Variants in ZNF532 observed in about 807,000 individuals in gnomAD.
ZNF532 encodes the protein zinc finger protein 532.
A neutral mutation model predicts 89.3 loss-of-function variants in ZNF532; 22 were observed. The observed-to-expected ratio is 0.25, with a 90% CI of 0.18 to 0.35. The LOEUF is 0.35. ZNF532 is among the 10% of genes least tolerant of loss of function. The pLI, the probability that ZNF532 is intolerant of heterozygous loss-of-function variation, is 1.00. For synonymous variants in ZNF532, 606 were observed against 649.6 expected (o/e 0.93, Z 1.02); for missense variants, 1,132 against 1,643.4 (o/e 0.69, Z 5.38).
At chr18:58,920,705 G>A (rs144350846) in intron 3 of ZNF532, 72 bp downstream of exon 3, 1 of 1,319,366 alleles carries the variant, frequency 7.6e-7, no homozygotes, top group Non-Finnish European at 1.0e-6. Flanking sequence ...AGATGCCCTT[G>A]ATTTTAGGGT....
In ZNF532 at chr18:58,897,999, A is replaced by G. The variant is rs549534979; in HGVS notation, c.-17-20272A>G. ...AATAAATAAATGAATAAAGATTATT[A>G]CTTAACTCCTTTCAACAATTTAAAA... On this transcript the variant is annotated intron_variant, in intron 2 of 9. Coordinates refer to ENST00000591808, the MANE Select transcript of ZNF532 (RefSeq NM_001375912.1). Among the ~76,000 whole-genome samples, 12 of 152,352 alleles carry G rather than the reference A, an allele frequency of 7.9e-5. No individual in the cohort carries two copies. The East Asian group carries it at 9.6e-4, about 12-fold the overall frequency.
At chr18:58,977,491 ATTTGCCTGCCGG>A (rs2067193742) in intron 7 of ZNF532, 1 of 152,110 alleles carries the variant, frequency 6.6e-6, no homozygotes, top group Non-Finnish European at 1.5e-5. Context: ...AGCCACTCCG[ATTTGCCTGCCGG>A]TTTGAACAAG....
chr18:58,884,010 C>T (rs184011846), intron 2 of ZNF532, among the ~76,000 whole-genome samples: 1 of 150,066 alleles, frequency 6.7e-6, no homozygotes, highest in East Asian at 2.0e-4. Context: ...TACTAGTTTT[C>T]TCTTCCATGT....
chr18:58,910,029 C>T (rs1218944742), intron 2 of ZNF532, among the ~76,000 whole-genome samples: 3 of 151,824 alleles, frequency 2.0e-5, no homozygotes, highest in Admixed American at 1.3e-4. Flanking sequence ...TCACTGGAGC[C>T]CAGGAGTAAC....
chr18:58,893,661 A>AC (rs1313569559), intron 2 of ZNF532, among the ~76,000 whole-genome samples: 31 of 151,860 alleles, frequency 2.0e-4, no homozygotes, highest in Non-Finnish European at 7.4e-5. Flanking sequence ...TGTCTCAAAA[A>AC]AAAAAAAAAA....
chr18:58,879,211 T>C (rs548664680), intron 2 of ZNF532, among the ~76,000 whole-genome samples: 1 of 152,306 alleles, frequency 6.6e-6, no homozygotes, highest in East Asian at 1.9e-4. Flanking sequence ...GTCTCTTGTG[T>C]CTGGCCAAGG....
At chr18:58,958,723 A>G (rs2065037968) in intron 7 of ZNF532, among the ~76,000 whole-genome samples, 1 of 152,206 alleles carries the variant, frequency 6.6e-6, no homozygotes. Flanking sequence ...TCAGGTACCT[A>G]ACTAGCTTTC....
In ZNF532 at chr18:58,872,526, A is replaced by G. The variant is rs188277983; in HGVS notation, c.-18+6947A>G. On this transcript the variant is annotated intron_variant, in intron 2 of 9. Coordinates refer to ENST00000591808, the MANE Select transcript of ZNF532 (RefSeq NM_001375912.1). Reference sequence around the variant, plus strand: ...AAAGCCCTCTGTTTTAAAGGACCCCATAGCTGGAAGTACTTCACACATTTG... The same window carrying G: ...AAAGCCCTCTGTTTTAAAGGACCCCGTAGCTGGAAGTACTTCACACATTTG... Among the ~76,000 whole-genome samples, 6 of 152,330 alleles carry G rather than the reference A, an allele frequency of 3.9e-5. No homozygotes were observed. The East Asian group carries it at 7.7e-4, about 20-fold the overall frequency.
chr18:58,892,684 C>G (rs976988734), intron 2 of ZNF532, among the ~76,000 whole-genome samples: 12 of 152,256 alleles, frequency 7.9e-5, no homozygotes, highest in African/African-American at 2.9e-4. Context: ...CTTTGGCATT[C>G]AAGTTTGAGC....
intron 3 of ZNF532, among the ~76,000 whole-genome samples, chr18:58,927,500 C>T (rs1185656053): frequency 6.6e-6 from 1 of 151,828 alleles, no homozygotes; most frequent in Non-Finnish European, 1.5e-5. Context: ...TTCTTCAGCT[C>T]CAAATCTGGG....
intron 5 of ZNF532, 23 bp from the exon 6 acceptor site, chr18:58,948,044 C>T: frequency 6.3e-7 from 1 of 1,589,496 alleles, no homozygotes; most frequent in Non-Finnish European, 8.6e-7. Context: ...CTGACATGAT[C>T]TCGCTGCACT....
chr18:58,881,177 C>T (rs2057896409), intron 2 of ZNF532, among the ~76,000 whole-genome samples: 1 of 151,794 alleles, frequency 6.6e-6, no homozygotes, highest in South Asian at 2.1e-4. Flanking sequence ...TCTCGGTTCA[C>T]TGCAGCCTCT....
chr18:58,926,214 A>G (rs1307256859), intron 3 of ZNF532: 1 of 152,216 alleles, frequency 6.6e-6, no homozygotes, highest in East Asian at 1.9e-4. Flanking sequence ...TCAGTCCATG[A>G]ACATGGGCAT....
At chr18:58,974,771 C>A (rs2066858306) in intron 7 of ZNF532, among the ~76,000 whole-genome samples, 2 of 152,194 alleles carry the variant, frequency 1.3e-5, no homozygotes, top group African/African-American at 4.8e-5. Flanking sequence ...AGATTGCCCT[C>A]CTTCCCCCAC....
chr18:58,965,104 C>T (rs969294790), intron 7 of ZNF532, among the ~76,000 whole-genome samples: 1 of 150,904 alleles, frequency 6.6e-6, no homozygotes, highest in African/African-American at 2.4e-5. Context: ...TTCTGAAGTC[C>T]TCCACTTGAT....
At chr18:58,916,048 C>T (rs1267511007) in intron 2 of ZNF532, among the ~76,000 whole-genome samples, 1 of 152,254 alleles carries the variant, frequency 6.6e-6, no homozygotes, top group Non-Finnish European at 1.5e-5. Flanking sequence ...TAAAAATCTA[C>T]TTTTCAGTCC....
At chr18:58,912,012 T>G (rs1254931789) in intron 2 of ZNF532, among the ~76,000 whole-genome samples, 1 of 152,010 alleles carries the variant, frequency 6.6e-6, no homozygotes, top group Non-Finnish European at 1.5e-5. Context: ...GCTCCTGATG[T>G]GCGAGGTGGG....
rs1206966624 is a variant in ZNF532 at position 58,920,461 on chromosome 18, G to C, written c.2174G>C (p.Gly725Ala). The C allele has an allele frequency of 2.5e-6, 4 of 1,613,750 alleles. No homozygotes were observed. The African/African-American group carries it at 5.3e-5, about 22-fold the overall frequency. The change falls in exon 3 of 10, where the codon GGG (glycine) becomes GCG (alanine). Residue 725 changes from glycine (G) to alanine (A), a missense_variant. Coordinates refer to ENST00000591808, the MANE Select transcript of ZNF532 (RefSeq NM_001375912.1). Reference protein sequence around the residue: ...TVTKIQSGITGTVISAPSSTP... With the variant: ...TVTKIQSGITATVISAPSSTP... ...ACAAAAATTCAGTCTGGCATAACTG[G>C]GACAGTCATATCGGCTCCTTCAAGC...
chr18:58,946,305 T>C (rs1188484235), intron 5 of ZNF532, among the ~76,000 whole-genome samples: 3 of 151,168 alleles, frequency 2.0e-5, no homozygotes, highest in African/African-American at 7.3e-5. Context: ...TTTTTTTTTT[T>C]TTTTTGAGAC....
Sources: gnomAD v4.1 joint callset for allele counts (sites outside exome capture counted in the v4.1 genomes callset) on GRCh38, gnomAD v4.1.1 for gene constraint, MANE v1.5 for transcripts, NCBI Gene and HGNC (gene_info 2026-07-23, HGNC 2026-07-21) for gene names.